DAB1: variants seen among roughly 807,000 people sequenced by gnomAD.
The protein encoded by DAB1 is disabled homolog 1.
In DAB1, 15 loss-of-function variants were observed where a neutral mutation model predicts 64.6. The ratio of observed to expected loss-of-function variants is 0.23; its 90% confidence interval spans 0.16 to 0.36. DAB1 has a LOEUF of 0.36. Among genes scored for constraint, DAB1 ranks in the 10% least tolerant of loss-of-function variants. The pLI, the probability that DAB1 is intolerant of heterozygous loss-of-function variation, is 1.00. For missense variants in DAB1, 596 were observed against 706.7 expected, an observed-to-expected ratio of 0.84 and a Z score of 1.78; for synonymous variants, 235 against 251.9, an observed-to-expected ratio of 0.93 and a Z score of 0.64.
intron 2 of DAB1, among the ~76,000 whole-genome samples, chr1:57,244,182 T>A (rs1482463120): frequency 1.3e-5 from 2 of 152,234 alleles, no homozygotes; most frequent in Non-Finnish European, 2.9e-5. Flanking sequence ...CATGCCCTTT[T>A]TAAAGCCTTA....
chr1:57,953,204 T>C (rs1320305123), intron 5 of DAB1, among the ~76,000 whole-genome samples: 1 of 152,198 alleles, frequency 6.6e-6, no homozygotes, highest in Non-Finnish European at 1.5e-5. Flanking sequence ...ATCTGAAAAA[T>C]GAAGAAGCTT....
At chr1:58,012,263 G>T (rs1278446825) in intron 5 of DAB1, among the ~76,000 whole-genome samples, 3 of 152,224 alleles carry the variant, frequency 2.0e-5, no homozygotes, top group South Asian at 4.2e-4. Flanking sequence ...CAGAGTAATT[G>T]ATTATAGCTA....
At chr1:57,404,845 C>T (rs114866887) in intron 1 of DAB1, among the ~76,000 whole-genome samples, 1 of 152,156 alleles carries the variant, frequency 6.6e-6, no homozygotes, top group Non-Finnish European at 1.5e-5. Context: ...CAAAGAGACA[C>T]ACACATTCAA....
chr1:58,196,882 C>T (rs1318912256), intron 4 of DAB1, among the ~76,000 whole-genome samples: 1 of 152,202 alleles, frequency 6.6e-6, no homozygotes, highest in Non-Finnish European at 1.5e-5. Flanking sequence ...ACCATATCAT[C>T]AGATATGGCA....
At chr1:58,086,898 T>A (rs1570334473) in intron 5 of DAB1, among the ~76,000 whole-genome samples, 3 of 152,120 alleles carry the variant, frequency 2.0e-5, no homozygotes, top group Non-Finnish European at 4.4e-5. Context: ...CAACAACACA[T>A]GGCATTAGCT....
At chr1:57,503,472 C>T (rs1458358366) in intron 7 of DAB1, among the ~76,000 whole-genome samples, 1 of 152,164 alleles carries the variant, frequency 6.6e-6, no homozygotes, top group Non-Finnish European at 1.5e-5. Flanking sequence ...TTCACACTTC[C>T]CATCTGTCAT....
At chr1:58,443,759 TATAA>T (rs1172633813) in intron 3 of DAB1, among the ~76,000 whole-genome samples, 2 of 152,238 alleles carry the variant, frequency 1.3e-5, no homozygotes, top group South Asian at 2.1e-4. Context: ...GTAATACTTG[TATAA>T]ATAAATAAGC....
chr1:57,183,085 G>C (rs570212115), intron 2 of DAB1, among the ~76,000 whole-genome samples: 1 of 152,142 alleles, frequency 6.6e-6, no homozygotes, highest in Admixed American at 6.5e-5. Flanking sequence ...GACAGCACTG[G>C]GGGTATTTAA....
At chr1:57,135,870 AT>A (rs1459650129) in intron 4 of DAB1, among the ~76,000 whole-genome samples, 1 of 152,176 alleles carries the variant, frequency 6.6e-6, no homozygotes, top group African/African-American at 2.4e-5. Flanking sequence ...AAAGACATCT[AT>A]TTGACTCTTG....
chr1:58,387,720 T>G (rs1341179771), intron 3 of DAB1, among the ~76,000 whole-genome samples: 1 of 103,202 alleles, frequency 9.7e-6, no homozygotes, highest in Non-Finnish European at 1.8e-5. Flanking sequence ...TTCTTTTCTT[T>G]TCTTTTTTTT....
intron 6 of DAB1, among the ~76,000 whole-genome samples, chr1:57,700,206 G>A (rs1570750307): frequency 6.6e-6 from 1 of 151,968 alleles, no homozygotes; most frequent in Non-Finnish European, 1.5e-5. Context: ...TTTCTCTCTT[G>A]GTTTCCCTGA....
intron 4 of DAB1, among the ~76,000 whole-genome samples, chr1:58,241,061 G>A (rs1660270016): frequency 6.6e-6 from 1 of 152,018 alleles, no homozygotes; most frequent in Non-Finnish European, 1.5e-5. Flanking sequence ...CCATATGTCT[G>A]GAGCTACTCA....
intron 6 of DAB1, among the ~76,000 whole-genome samples, chr1:57,697,197 A>G (rs1646854843): frequency 6.6e-6 from 1 of 152,070 alleles, no homozygotes. Flanking sequence ...ATAGATATCT[A>G]ATGAAGATCT....
chr1:57,717,026 G>T lies in DAB1; in HGVS notation n.552-67361C>A, dbSNP rs547344451. 5.9e-5 allele frequency among the ~76,000 whole-genome samples: 9 copies of T among 152,140 alleles called. No individual in the cohort carries two copies. In the East Asian group the frequency reaches 1.7e-3, roughly 29 times the overall value. ...GAGGTTGAGGTGGGTGGATCACGAG[G>T]TCAGGAGTTCAAGACCAGGCTGGTC... On this transcript the variant is annotated intron_variant and non_coding_transcript_variant, in intron 6 of 20. Coordinates refer to the DAB1 transcript ENST00000485760.
rs956893345 is a variant in DAB1 at position 57,018,364 on chromosome 1, T to C, written c.896-2933A>G. Among the ~76,000 whole-genome samples, 7 of 152,330 alleles carry C rather than the reference T, an allele frequency of 4.6e-5. No homozygotes were observed. The East Asian group carries it at 9.6e-4, about 21-fold the overall frequency. On this transcript the variant is annotated intron_variant, in intron 11 of 14. Transcript: ENST00000371236. ...GATTCTACTTACAGGTATATACATC[T>C]GACTCTTATGTCTTCTAGTGTGCTC...
intron 6 of DAB1, among the ~76,000 whole-genome samples, chr1:57,696,944 A>G (rs3131776): frequency 0.52 from 78,733 of 151,952 alleles, 20,676 homozygotes; most frequent in East Asian, 0.67. Context: ...GGTATAGACG[A>G]GTAGCAATAA....
At chr1:57,180,055 C>T (rs1662748013) in intron 2 of DAB1, among the ~76,000 whole-genome samples, 1 of 152,204 alleles carries the variant, frequency 6.6e-6, no homozygotes, top group South Asian at 2.1e-4. Flanking sequence ...TGCATCCTGG[C>T]TCAAGTGTGA....
intron 3 of DAB1, among the ~76,000 whole-genome samples, chr1:58,386,034 T>C (rs746909400): frequency 2.6e-5 from 4 of 152,144 alleles, no homozygotes; most frequent in Non-Finnish European, 4.4e-5. Context: ...GCACGTTAGC[T>C]CTACCTATCT....
chr1:58,247,407 T>C (rs1177569832), intron 4 of DAB1, among the ~76,000 whole-genome samples: 1 of 152,014 alleles, frequency 6.6e-6, no homozygotes, highest in Non-Finnish European at 1.5e-5. Flanking sequence ...AGTACCCAAC[T>C]TGACCCAAGC....
Sources: gnomAD v4.1 joint callset for allele counts (sites outside exome capture counted in the v4.1 genomes callset) on GRCh38, gnomAD v4.1.1 for gene constraint, MANE v1.5 for transcripts, NCBI Gene and HGNC (gene_info 2026-07-23, HGNC 2026-07-21) for gene names.